FAM228B: variants seen among roughly 807,000 people sequenced by gnomAD.
The protein encoded by FAM228B is family with sequence similarity 228 member B.
FAM228B carries 38 observed loss-of-function variants against 42.6 expected under a neutral mutation model. That is an observed-to-expected ratio of 0.89 (90% CI 0.69 to 1.17). The LOEUF (loss-of-function observed/expected upper bound fraction) is 1.17, where lower values mean the gene tolerates loss of function less well. Among genes scored for constraint, FAM228B ranks in the 50% most tolerant of loss-of-function variants. The pLI, the probability that FAM228B is intolerant of heterozygous loss-of-function variation, is 0.00. For synonymous variants in FAM228B, 109 were observed against 122.3 expected (o/e 0.89, Z 0.72); for missense variants, 344 against 367.3 (o/e 0.94, Z 0.52).
Position 24,084,223 on chromosome 2 carries a change from G to T in FAM228B, c.-210+3268G>T. On this transcript the variant is annotated intron_variant, in intron 2 of 10. Coordinates refer to the FAM228B transcript ENST00000613899. The surrounding 1 kb of genome is among the most constrained non-coding windows in gnomAD (Gnocchi z 8.4). ...GTCCGCCCGGTTCAGGGCGCTGGCC[G>T]CCACCTTCAGGAGGACTTCACCCTC... 1 of 1,613,818 alleles carries T rather than the reference G, an allele frequency of 6.2e-7. No individual in the cohort carries two copies. Among genetic ancestry groups the T allele is most frequent in the Non-Finnish European group, 8.5e-7 (1 of 1,179,924 alleles).
At chr2:24,121,810 C>A (rs1012228792), upstream of FAM228B, among the ~76,000 whole-genome samples, 3 of 152,190 alleles carry the variant, frequency 2.0e-5, no homozygotes, top group African/African-American at 7.2e-5. Context: ...TCCTCTCCCC[C>A]ACTGTGATCT....
chr2:24,103,062 T>C (rs1665636709), intron 3 of FAM228B, among the ~76,000 whole-genome samples: 1 of 152,252 alleles, frequency 6.6e-6, no homozygotes. Flanking sequence ...TTTTTTGCTT[T>C]ACTCTCATGG....
In FAM228B at chr2:24,124,464, T is replaced by C. The variant is rs749686840; in HGVS notation, c.99+4T>C. The C allele has an allele frequency of 5.2e-6, 8 of 1,535,926 alleles. No homozygotes were observed. The highest frequency in any genetic ancestry group is 7.0e-6 in the Non-Finnish European group (8 of 1,138,164). The stretch of plus-strand genomic sequence containing the variant: ...CAAGCCCCTTTGTTTTATGGAGGTA[T>C]ATATCAAATAGTGTGGGATTTGGAG... On this transcript the variant is annotated splice_donor_region_variant and intron_variant, in intron 2 of 10. Transcript: ENST00000615575.
At chr2:24,124,550 ATTG>A in intron 2 of FAM228B, 90 bp downstream of exon 2, 1 of 713,908 alleles carries the variant, frequency 1.4e-6, no homozygotes, top group Non-Finnish European at 2.2e-6. Flanking sequence ...TGTTTTTTCT[ATTG>A]TTTGTTTTTA....
At chr2:24,111,747 C>T (rs1020193831) in intron 3 of FAM228B, among the ~76,000 whole-genome samples, 1 of 152,068 alleles carries the variant, frequency 6.6e-6, no homozygotes, top group African/African-American at 2.4e-5. Context: ...GTTCAAATGT[C>T]TGCAGTATTT....
At chr2:24,079,266 A>G in intron 1 of FAM228B, 2 of 622,938 alleles carry the variant, frequency 3.2e-6, no homozygotes, top group Non-Finnish European at 5.5e-6. Context: ...TGAAGCTTCT[A>G]TCAACCAATC....
At chr2:24,131,255 G>A (rs750146212) in intron 2 of FAM228B, among the ~76,000 whole-genome samples, 1 of 152,154 alleles carries the variant, frequency 6.6e-6, no homozygotes, top group Non-Finnish European at 1.5e-5. Context: ...TTAAAGTTAG[G>A]TAGCGTGATG....
chr2:24,092,218 CAAAAAA>C (rs34189159), intron 2 of FAM228B, among the ~76,000 whole-genome samples: 3 of 29,994 alleles, frequency 1.0e-4, no homozygotes, highest in Admixed American at 4.0e-4. Context: ...GACTCTGTCT[CAAAAAA>C]AAAAAAAAAA....
chr2:24,153,983 C>T lies in FAM228B; in HGVS notation c.686+6897C>T, dbSNP rs1667075951. 2.6e-5 allele frequency among the ~76,000 whole-genome samples: 4 copies of T among 152,302 alleles called. No individual in the cohort carries two copies. The South Asian group carries it at 8.3e-4, about 32-fold the overall frequency. The stretch of plus-strand genomic sequence containing the variant: ...GGCTTTATTCTCTGTTGTGACAGGG[C>T]AGAACCGAATTCAGCATAAGTCCCC... On this transcript the variant is annotated intron_variant, in intron 7 of 10. Coordinates refer to ENST00000615575, the MANE Select transcript of FAM228B (RefSeq NM_001145710.2).
chr2:24,143,365 T>C (rs1431727514), intron 5 of FAM228B, among the ~76,000 whole-genome samples: 1 of 152,096 alleles, frequency 6.6e-6, no homozygotes, highest in Non-Finnish European at 1.5e-5. Flanking sequence ...GTTGTTGTTG[T>C]TGTTGTTTTC....
intron 2 of FAM228B, among the ~76,000 whole-genome samples, chr2:24,133,793 T>C (rs192278841): frequency 6.6e-6 from 1 of 152,290 alleles, no homozygotes; most frequent in African/African-American, 2.4e-5. Flanking sequence ...ATGCTTGTAA[T>C]CCTAGCACTT....
Position 24,080,728 on chromosome 2 carries a change from C to G in FAM228B, c.-289-148C>G. The G allele has an allele frequency of 6.6e-7, 1 of 1,516,386 alleles. No individual in the cohort carries two copies. Among genetic ancestry groups the G allele is most frequent in the South Asian group, 1.2e-5 (1 of 85,830 alleles). The allele number at this position is 1,516,386 out of a possible 1,614,324, so 93.9% of individuals were successfully genotyped here. A position where few individuals can be genotyped will look rare whatever the true frequency, so the allele number is the denominator to read the frequency against. On this transcript the variant is annotated intron_variant, in intron 1 of 10. Transcript: ENST00000613899. This position sits in a 1 kb window ranked among gnomAD's most constrained non-coding sequence, Gnocchi z 4.7. ...TGTTGTGCACTTAGCAGAGGTAAGA[C>G]TGATACACAGCACTGGCAACTTTGA...
intron 2 of FAM228B, among the ~76,000 whole-genome samples, chr2:24,088,882 G>A (rs1665321251): frequency 6.6e-6 from 1 of 152,174 alleles, no homozygotes; most frequent in Non-Finnish European, 1.5e-5. Context: ...GGTAGAGAGT[G>A]TCAGAATTGA....
intron 7 of FAM228B, among the ~76,000 whole-genome samples, chr2:24,148,616 A>G (rs1412822537): frequency 6.6e-6 from 1 of 152,056 alleles, no homozygotes; most frequent in Non-Finnish European, 1.5e-5. Context: ...AGGTGTATAT[A>G]TTTATGAGGT....
upstream of FAM228B, chr2:24,119,463 T>A: frequency 1.4e-6 from 1 of 708,252 alleles, no homozygotes; most frequent in Non-Finnish European, 2.4e-6. Flanking sequence ...TCAGCATCCT[T>A]CCAATAAATT....
At chr2:24,139,671 A>T (rs1034266871) in intron 5 of FAM228B, among the ~76,000 whole-genome samples, 1 of 152,226 alleles carries the variant, frequency 6.6e-6, no homozygotes, top group African/African-American at 2.4e-5. Flanking sequence ...GGTAATAGGT[A>T]ACGTTTAAAA....
chr2:24,132,881 G>A (rs1666489849), intron 2 of FAM228B, among the ~76,000 whole-genome samples: 1 of 152,146 alleles, frequency 6.6e-6, no homozygotes, highest in Admixed American at 6.6e-5. Flanking sequence ...TCACGGTTTA[G>A]TCTTTTTTTA....
chr2:24,111,035 C>T (rs1006686151), intron 3 of FAM228B, among the ~76,000 whole-genome samples: 1 of 152,150 alleles, frequency 6.6e-6, no homozygotes, highest in Non-Finnish European at 1.5e-5. Context: ...AACATTTACT[C>T]CAGTGACTCT....
At chr2:24,142,060 A>AG (rs1347410501) in intron 5 of FAM228B, among the ~76,000 whole-genome samples, 1 of 152,198 alleles carries the variant, frequency 6.6e-6, no homozygotes, top group Non-Finnish European at 1.5e-5. Flanking sequence ...CGTCTCGGGT[A>AG]GGCTCTGCAG....
Sources: allele counts gnomAD v4.1 joint callset (sites outside exome capture counted in the v4.1 genomes callset), GRCh38; gene constraint gnomAD v4.1.1; non-coding constraint Gnocchi (gnomAD v3.1); transcripts MANE v1.5; gene names NCBI Gene and HGNC (gene_info 2026-07-23, HGNC 2026-07-21).